PCNX1: variants seen among roughly 807,000 people sequenced by gnomAD.
PCNX1 encodes pecanex 1.
Under a neutral mutation model 242.2 loss-of-function variants are expected in PCNX1, and 78 were observed. That is an observed-to-expected ratio of 0.32 (90% confidence interval 0.27 to 0.39). PCNX1 has a LOEUF of 0.39. Ranked by LOEUF, PCNX1 falls within the 10% of genes least tolerant of loss-of-function variation. The pLI is 1.00. For synonymous variants in PCNX1, 1,024 were observed against 1,032.9 expected (o/e 0.99, Z 0.17); for missense variants, 2,581 against 2,856.5 (o/e 0.90, Z 2.20).
chr14:70,973,798 G>GA (rs965965493), intron 5 of PCNX1, among the ~76,000 whole-genome samples: 11 of 151,968 alleles, frequency 7.2e-5, no homozygotes, highest in African/African-American at 2.7e-4. Context: ...TAAGTATGAA[G>GA]AAAAAATTTA....
intron 28 of PCNX1, among the ~76,000 whole-genome samples, chr14:71,076,815 C>T (rs2061730754): frequency 6.6e-6 from 1 of 152,194 alleles, no homozygotes; most frequent in Non-Finnish European, 1.5e-5. Flanking sequence ...CCAGTGCTGG[C>T]TAATGGACTT....
intron 28 of PCNX1, among the ~76,000 whole-genome samples, chr14:71,080,359 C>CT (rs34609059): frequency 6.6e-6 from 1 of 152,088 alleles, no homozygotes; most frequent in African/African-American, 2.4e-5. Flanking sequence ...TATGCGGGCT[C>CT]TTTTTTGATT....
chr14:71,042,176 T>TGCA, intron 19 of PCNX1, among the ~76,000 whole-genome samples: 1 of 152,188 alleles, frequency 6.6e-6, no homozygotes, highest in Non-Finnish European at 1.5e-5. Context: ...CATAAATGTC[T>TGCA]GCTAGGTCCA....
Position 70,957,875 on chromosome 14 carries a change from G to A in PCNX1, c.363-4351G>A, listed in dbSNP as rs370617662. 5.3e-4 allele frequency among the ~76,000 whole-genome samples: 81 copies of A among 151,922 alleles called. 1 individual carries two copies. In the South Asian group the frequency reaches 0.016, roughly 30 times the overall value. On this transcript the variant is annotated intron_variant, in intron 2 of 35. Transcript: ENST00000304743. Reference sequence around the variant, plus strand: ...AGAGAGAGAGACTAGGCAAGATGAGGGCTGTCTCTCCTTTCTGTGTTGTTA... The same window carrying A: ...AGAGAGAGAGACTAGGCAAGATGAGAGCTGTCTCTCCTTTCTGTGTTGTTA...
chr14:71,068,591 C>CGTGTGT (rs373964832), intron 26 of PCNX1, among the ~76,000 whole-genome samples: 10,663 of 122,988 alleles, frequency 0.087, 643 homozygotes, highest in South Asian at 0.16. Context: ...TATGTACGTG[C>CGTGTGT]GTGTGTGTGT....
At chr14:70,920,665 A>G (rs970189175) in intron 1 of PCNX1, among the ~76,000 whole-genome samples, 3 of 152,242 alleles carry the variant, frequency 2.0e-5, no homozygotes, top group Admixed American at 1.3e-4. Context: ...TTATGACAGT[A>G]TGGACACCTG....
At chr14:71,051,116 C>T (rs906937148) in intron 23 of PCNX1, among the ~76,000 whole-genome samples, 4 of 135,552 alleles carry the variant, frequency 3.0e-5, no homozygotes, top group Admixed American at 2.7e-4. Context: ...TGCAGTGAGC[C>T]GAGATTGCGC....
chr14:70,968,783 T>C (rs1435911044), intron 4 of PCNX1, among the ~76,000 whole-genome samples: 1 of 152,224 alleles, frequency 6.6e-6, no homozygotes, highest in Non-Finnish European at 1.5e-5. Flanking sequence ...TTAGTTTACA[T>C]TTTGAAGCTT....
At chr14:71,074,636 G>A (rs974775072) in intron 27 of PCNX1, among the ~76,000 whole-genome samples, 1 of 152,118 alleles carries the variant, frequency 6.6e-6, no homozygotes, top group African/African-American at 2.4e-5. Flanking sequence ...GTCCTGTCAC[G>A]TAGGCATGGT....
intron 1 of PCNX1, among the ~76,000 whole-genome samples, chr14:70,915,276 T>C (rs549210795): frequency 1.3e-5 from 2 of 152,270 alleles, no homozygotes; most frequent in Non-Finnish European, 2.9e-5. Flanking sequence ...TGGAAAACTT[T>C]ACGGAATCTC....
At position 70,962,313 on chromosome 14, in the gene PCNX1, T is replaced by C. The variant is rs763832455; in HGVS notation, c.450T>C (p.Gly150=). The change falls in exon 3 of 36, where the codon GGT becomes GGC. Residue 150 remains glycine (G), a synonymous_variant. Transcript: ENST00000304743. ...VGCSSRNSYA[G]LDPSNQIGSG... is the part of the protein sequence containing the mutation. ...GCAGTTCCAGAAATTCTTATGCCGG[T>C]CTAGATCCAAGCAACCAGGTAGGAA... 5.0e-6 allele frequency: 8 copies of C among 1,611,480 alleles called. No homozygotes were observed. The African/African-American group carries it at 8.0e-5, about 16-fold the overall frequency.
At chr14:70,914,034 T>G (rs138660314) in intron 1 of PCNX1, among the ~76,000 whole-genome samples, 2 of 152,204 alleles carry the variant, frequency 1.3e-5, no homozygotes, top group Admixed American at 6.5e-5. Context: ...ATAACTCTTA[T>G]GTATTATATT....
chr14:71,024,233 TGTTA>T (rs1178973585), intron 13 of PCNX1, among the ~76,000 whole-genome samples: 1 of 152,172 alleles, frequency 6.6e-6, no homozygotes, highest in East Asian at 1.9e-4. Flanking sequence ...TATTCCTTTA[TGTTA>T]GTTAATTCAA....
intron 8 of PCNX1, among the ~76,000 whole-genome samples, chr14:71,000,066 CA>C (rs929153960): frequency 4.6e-5 from 7 of 151,310 alleles, no homozygotes; most frequent in Non-Finnish European, 1.0e-4. Flanking sequence ...GTTTTGAGTA[CA>C]AAAAAATAAT....
intron 1 of PCNX1, among the ~76,000 whole-genome samples, chr14:70,925,074 C>T (rs1223468917): frequency 1.3e-5 from 2 of 151,968 alleles, no homozygotes; most frequent in Non-Finnish European, 2.9e-5. Flanking sequence ...CTGCAACCTC[C>T]ACCTCCTGGC....
At chr14:70,941,374 A>G (rs781707401) in intron 1 of PCNX1, among the ~76,000 whole-genome samples, 19 of 152,246 alleles carry the variant, frequency 1.2e-4, no homozygotes, top group Non-Finnish European at 2.4e-4. Flanking sequence ...CTGCAGGTCT[A>G]TTGGAGTTTG....
intron 12 of PCNX1, among the ~76,000 whole-genome samples, chr14:71,019,573 C>T (rs1211511396): frequency 6.6e-6 from 1 of 151,816 alleles, no homozygotes; most frequent in African/African-American, 2.4e-5. Flanking sequence ...GGCTAATTTT[C>T]GTATTTTTAG....
chr14:70,934,091 C>T (rs1208554893), intron 1 of PCNX1, among the ~76,000 whole-genome samples: 2 of 152,184 alleles, frequency 1.3e-5, no homozygotes, highest in Non-Finnish European at 2.9e-5. Flanking sequence ...CCAAATTATT[C>T]ACTTGAGTTT....
chr14:70,964,618 C>G (rs1214725882), intron 3 of PCNX1, among the ~76,000 whole-genome samples: 2 of 152,074 alleles, frequency 1.3e-5, no homozygotes, highest in Admixed American at 1.3e-4. Flanking sequence ...TTTTGGAGAC[C>G]TTTTTTCCTT....
Sources: allele counts gnomAD v4.1 joint callset (sites outside exome capture counted in the v4.1 genomes callset), GRCh38; gene constraint gnomAD v4.1.1; transcripts MANE v1.5; gene names NCBI Gene and HGNC (gene_info 2026-07-23, HGNC 2026-07-21).